Variants in PADI1 observed in about 807,000 individuals in gnomAD.
PADI1 encodes protein-arginine deiminase type-1.
PADI1 carries 65 observed loss-of-function variants against 74.8 expected under a neutral mutation model. The observed-to-expected ratio is 0.87, with a 90% CI of 0.71 to 1.07. The LOEUF is 1.07. PADI1 is among the 50% of genes least tolerant of loss of function. The pLI is 0.00. For missense variants in PADI1, 943 were observed against 854.0 expected, an observed-to-expected ratio of 1.10 and a Z score of -1.30; for synonymous variants, 371 against 336.2, an observed-to-expected ratio of 1.10 and a Z score of -1.13.
chr1:17,210,018 T>A (rs931714082), intron 1 of PADI1, among the ~76,000 whole-genome samples: 1 of 151,630 alleles, frequency 6.6e-6, no homozygotes, highest in Non-Finnish European at 1.5e-5. Flanking sequence ...CCCCGTATTT[T>A]TAATGGAGAC....
intron 1 of PADI1, among the ~76,000 whole-genome samples, chr1:17,209,839 C>G (rs995769753): frequency 1.3e-5 from 2 of 152,076 alleles, no homozygotes; most frequent in Non-Finnish European, 2.9e-5. Context: ...TTTATTTTTT[C>G]CATTTTATTT....
At chr1:17,232,613 T>C (rs755616890) in intron 10 of PADI1, among the ~76,000 whole-genome samples, 3 of 152,202 alleles carry the variant, frequency 2.0e-5, no homozygotes, top group Non-Finnish European at 2.9e-5. Flanking sequence ...AGTTTTTAGT[T>C]ATCTTTGGTT....
intron 3 of PADI1, 103 bp downstream of exon 3, chr1:17,223,796 T>G: frequency 1.1e-6 from 1 of 931,108 alleles, no homozygotes; most frequent in Non-Finnish European, 1.7e-6. Context: ...CATGGCCAGC[T>G]TCCTCCATCA....
chr1:17,242,044 C>G (rs1052632072), intron 15 of PADI1, among the ~76,000 whole-genome samples: 3 of 152,188 alleles, frequency 2.0e-5, no homozygotes, highest in Non-Finnish European at 2.9e-5. Context: ...TGGGGAGATT[C>G]CAGCCTCTAG....
rs1265905752 is a variant in PADI1 at position 17,237,327 on chromosome 1, C to T, written c.1327C>T (p.Gln443Ter). 9.3e-6 allele frequency: 15 copies of T among 1,609,040 alleles called. No homozygotes were observed. The East Asian group carries it at 3.1e-4, about 34-fold the overall frequency. ...GSSFPKSGGR[Q>*]MARAVRNFLK... ...CCTCCTGGCCAGGTCCGGTGGGCGG[C>T]AGATGGCCAGGGCAGTGCGGAACTT... Residue 443 changes from glutamine (Q) to a stop codon, truncating the protein, a stop_gained, in exon 12 of 16, where the codon CAG (glutamine) becomes TAG (stop). Coordinates refer to ENST00000375471, the MANE Select transcript of PADI1 (RefSeq NM_013358.3). LOFTEE classifies it high-confidence loss of function.
At chr1:17,229,120 G>A in intron 8 of PADI1, 69 bp downstream of exon 8, 9 of 950,566 alleles carry the variant, frequency 9.5e-6, no homozygotes, top group South Asian at 7.3e-5. Flanking sequence ...GCTGCCTCAG[G>A]GCTGCGCCCC....
At chr1:17,238,508 A>G in intron 12 of PADI1, 108 bp from the exon 13 acceptor site, 1 of 461,560 alleles carries the variant, frequency 2.2e-6, no homozygotes, top group South Asian at 6.5e-5. Context: ...ACCGAGTGGG[A>G]GAGGGGAGTC....
At chr1:17,230,881 A>T (rs1282385522) in intron 10 of PADI1, among the ~76,000 whole-genome samples, 3 of 152,194 alleles carry the variant, frequency 2.0e-5, no homozygotes, top group Non-Finnish European at 2.9e-5. Context: ...ATCACATGCA[A>T]ATAGGCAGCA....
At chr1:17,240,103 T>G in intron 14 of PADI1, 1 of 348,556 alleles carries the variant, frequency 2.9e-6, no homozygotes, top group Admixed American at 3.9e-5. Flanking sequence ...GGTGGGGAAA[T>G]AGGACCTTGA....
At chr1:17,220,904 T>G (rs1296543754) in intron 1 of PADI1, among the ~76,000 whole-genome samples, 1 of 152,208 alleles carries the variant, frequency 6.6e-6, no homozygotes, top group African/African-American at 2.4e-5. Context: ...AGCCTGAGTT[T>G]GCAGTGCATC....
chr1:17,222,163 C>A (rs766439456), intron 1 of PADI1, 127 bp from the exon 2 acceptor site: 10 of 667,734 alleles, frequency 1.5e-5, no homozygotes, highest in Non-Finnish European at 2.4e-5. Context: ...CCCTGTGCCT[C>A]CCCAGCCTGA....
intron 11 of PADI1, among the ~76,000 whole-genome samples, chr1:17,234,312 G>C (rs947877478): frequency 2.6e-5 from 4 of 152,224 alleles, no homozygotes; most frequent in African/African-American, 9.7e-5. Context: ...TGTACTCCAT[G>C]CCTCAGTTTC....
At chr1:17,222,506 C>T in intron 2 of PADI1, 36 bp downstream of exon 2, 1 of 1,490,874 alleles carries the variant, frequency 6.7e-7, no homozygotes, top group Non-Finnish European at 9.4e-7. Flanking sequence ...AGGGTTGGAT[C>T]TCTCCACCCC....
chr1:17,222,208 C>A (rs1473471862), intron 1 of PADI1, 82 bp from the exon 2 acceptor site: 15 of 1,036,586 alleles, frequency 1.4e-5, no homozygotes, highest in Non-Finnish European at 1.9e-5. Flanking sequence ...GCCTGGCAGC[C>A]CCAAGCCCCC....
At chr1:17,231,990 G>A (rs1018039140) in intron 10 of PADI1, among the ~76,000 whole-genome samples, 2 of 152,168 alleles carry the variant, frequency 1.3e-5, no homozygotes, top group South Asian at 4.1e-4. Context: ...CTGGGCTGGA[G>A]TGCAATGGCG....
At position 17,244,210 on chromosome 1, in the gene PADI1, C is replaced by G. The variant is rs150167702; in HGVS notation, c.1959C>G (p.Pro653=). 1.2e-6 allele frequency: 2 copies of G among 1,614,040 alleles called. No individual in the cohort carries two copies. Among genetic ancestry groups the G allele is most frequent in the Admixed American group, 3.3e-5 (2 of 60,006 alleles). Residue 653 remains proline, a synonymous_variant, in exon 16 of 16, where the codon CCC becomes CCG. Transcript: ENST00000375471. The part of the protein sequence containing the change: ...IHCGTNVRRK[P]FPFKWWNMVP Reference sequence around the variant, plus strand: ...GTGGCACCAACGTGCGCAGGAAGCCCTTTCCCTTCAAATGGTGGAACATGG... The same window carrying G: ...GTGGCACCAACGTGCGCAGGAAGCCGTTTCCCTTCAAATGGTGGAACATGG...
chr1:17,205,319 G>A lies in PADI1; in HGVS notation c.92+10G>A, dbSNP rs756575414. The A allele has an allele frequency of 2.5e-6, 4 of 1,608,572 alleles. No individual in the cohort carries two copies. The South Asian group carries it at 4.4e-5, about 18-fold the overall frequency. On this transcript the variant is annotated intron_variant, in intron 1 of 15. Coordinates refer to ENST00000375471, the MANE Select transcript of PADI1 (RefSeq NM_013358.3). The stretch of plus-strand genomic sequence containing the variant: ...ATGTGGACATTCACAGGTAAGAGCT[G>A]GGAGGCGCTCTCCTGGCTGCAGAGA...
Position 17,230,568 on chromosome 1 carries a change from C to G in PADI1, c.1054-4C>G. The G allele has an allele frequency of 6.3e-7, 1 of 1,598,244 alleles. No individual in the cohort carries two copies. The highest frequency in any genetic ancestry group is 1.1e-5 in the South Asian group (1 of 89,756). Reference sequence around the variant, plus strand: ...CTGTGGCTTTTTCATCTCTCCCCTCCCAGGACGAGATGGAGTTTGGCTACA... The same window carrying G: ...CTGTGGCTTTTTCATCTCTCCCCTCGCAGGACGAGATGGAGTTTGGCTACA... On this transcript the variant is annotated splice_polypyrimidine_tract_variant and splice_region_variant and intron_variant, in intron 9 of 15. Coordinates refer to ENST00000375471, the MANE Select transcript of PADI1 (RefSeq NM_013358.3).
At chr1:17,213,748 A>C (rs1440811386) in intron 1 of PADI1, among the ~76,000 whole-genome samples, 2 of 152,184 alleles carry the variant, frequency 1.3e-5, no homozygotes, top group Non-Finnish European at 2.9e-5. Context: ...AACCCATGGA[A>C]CATGCTGCCT....
Sources: allele counts gnomAD v4.1 joint callset (sites outside exome capture counted in the v4.1 genomes callset), GRCh38; gene constraint gnomAD v4.1.1; transcripts MANE v1.5; gene names NCBI Gene and HGNC (gene_info 2026-07-23, HGNC 2026-07-21).